Variants in PCDHGB6 observed in about 807,000 individuals in gnomAD.
PCDHGB6 encodes the protein protocadherin gamma subfamily B, 6.
PCDHGB6 carries 51 observed loss-of-function variants against 59.1 expected under a neutral mutation model. The ratio of observed to expected loss-of-function variants is 0.86; its 90% CI spans 0.69 to 1.09. PCDHGB6 has a LOEUF of 1.09. PCDHGB6 is among the 50% of genes least tolerant of loss of function. The probability of loss-of-function intolerance (pLI) is 0.00; values close to 1 mark genes in which losing one functional copy is unlikely to be tolerated. For synonymous variants in PCDHGB6, 466 were observed against 495.1 expected, an observed-to-expected ratio of 0.94 and a Z score of 0.78; for missense variants, 1,148 against 1,205.1, an observed-to-expected ratio of 0.95 and a Z score of 0.70.
In PCDHGB6 at chr5:141,448,771, T is replaced by C. The variant is rs564309379; in HGVS notation, c.2418+38151T>C. Among the ~76,000 whole-genome samples the C allele has an allele frequency of 6.6e-4, 100 of 151,738 alleles. 1 individual carries two copies. The highest frequency in any genetic ancestry group is 6.8e-3 in the Middle Eastern group (2 of 294). On this transcript the variant is annotated intron_variant, in intron 1 of 3. Coordinates refer to ENST00000520790, the MANE Select transcript of PCDHGB6 (RefSeq NM_018926.3). ...CTGGCTAACACGGTGAAACCCCGTCTGTACTAAAAATACAAAAAAAAAAAT... is the reference window on the plus strand; with the variant it reads ...CTGGCTAACACGGTGAAACCCCGTCCGTACTAAAAATACAAAAAAAAAAAT...
chr5:141,497,689 A>G (rs951295378), intron 2 of PCDHGB6, among the ~76,000 whole-genome samples: 1 of 151,958 alleles, frequency 6.6e-6, no homozygotes, highest in African/African-American at 2.4e-5. Flanking sequence ...GCAGGTGTGC[A>G]CCACCACACC....
chr5:141,420,022 TA>T (rs2096459209), intron 1 of PCDHGB6: 1 of 1,613,986 alleles, frequency 6.2e-7, no homozygotes. Flanking sequence ...CTTTCAGCCC[TA>T]CTGCAGGAGA....
rs1437409726 is a variant in PCDHGB6, at chr5:141,471,036, C to T, written c.2419-23771C>T. Among the ~76,000 whole-genome samples the T allele has an allele frequency of 2.8e-5, 4 of 144,908 alleles. No homozygotes were observed. The South Asian group carries it at 6.5e-4, about 24-fold the overall frequency. ...CTGGTCAATCATTTTTATTAACAAG[C>T]CCAAGCCCTCTTTTTTTTTTTTTTT... On this transcript the variant is annotated intron_variant, in intron 1 of 3. Transcript: ENST00000520790.
At chr5:141,413,468 A>C in intron 1 of PCDHGB6, 1 of 1,614,072 alleles carries the variant, frequency 6.2e-7, no homozygotes, top group South Asian at 1.1e-5. Context: ...GACCGGGAGG[A>C]GCTCTGCGCT....
At chr5:141,415,198 G>T in intron 1 of PCDHGB6, 2 of 1,614,038 alleles carry the variant, frequency 1.2e-6, no homozygotes, top group Non-Finnish European at 1.7e-6. Context: ...CATCCCCCAA[G>T]TCCTGGCGGA....
chr5:141,502,535 G>A (rs910160644), intron 2 of PCDHGB6, among the ~76,000 whole-genome samples: 14 of 152,172 alleles, frequency 9.2e-5, no homozygotes, highest in South Asian at 2.1e-4. Flanking sequence ...GAGTTTGTTC[G>A]TGTGGTAAAA....
At chr5:141,481,656 A>G (rs1425280340) in intron 1 of PCDHGB6, among the ~76,000 whole-genome samples, 1 of 152,084 alleles carries the variant, frequency 6.6e-6, no homozygotes, top group Non-Finnish European at 1.5e-5. Context: ...CATCTCTACT[A>G]ATAATACAAA....
Position 141,490,526 on chromosome 5 carries a change from C to T in PCDHGB6, c.2419-4281C>T, listed in dbSNP as rs1270447529. 6.2e-7 allele frequency: 1 copy of T among 1,614,116 alleles called. No homozygotes were observed. Among genetic ancestry groups the T allele is most frequent in the Non-Finnish European group, 8.5e-7 (1 of 1,180,008 alleles). ...ATCATCGAGCTGCTGGCCAGCGATGCTGGTTCACCTTCCCTACACAAACAT... is the reference window on the plus strand; with the variant it reads ...ATCATCGAGCTGCTGGCCAGCGATGTTGGTTCACCTTCCCTACACAAACAT... On this transcript the variant is annotated intron_variant, in intron 1 of 3. Coordinates refer to ENST00000520790, the MANE Select transcript of PCDHGB6 (RefSeq NM_018926.3). The surrounding 1 kb of genome is among the most constrained non-coding windows in gnomAD (Gnocchi z 5.4).
chr5:141,485,192 A>T lies in PCDHGB6; in HGVS notation c.2419-9615A>T. 1.2e-6 allele frequency: 2 copies of T among 1,613,942 alleles called. No individual in the cohort carries two copies. Among genetic ancestry groups the T allele is most frequent in the African/African-American group, 2.7e-5 (2 of 75,048 alleles). On this transcript the variant is annotated intron_variant, in intron 1 of 3. Transcript: ENST00000520790. The surrounding 1 kb of genome is among the most constrained non-coding windows in gnomAD (Gnocchi z 5.7). ...GGCAGCAATGCTCCGCAAGGTGAGA[A>T]GCTGGACAGAAATCTGGCGGTGGGC... is the stretch of plus-strand genomic sequence containing the variant.
chr5:141,500,104 T>G (rs917633032), intron 2 of PCDHGB6, among the ~76,000 whole-genome samples: 4 of 152,124 alleles, frequency 2.6e-5, no homozygotes, highest in Non-Finnish European at 4.4e-5. Flanking sequence ...AATTTATTTG[T>G]TGAATCCCTG....
At chr5:141,473,228 A>T (rs549587219) in intron 1 of PCDHGB6, among the ~76,000 whole-genome samples, 1 of 152,296 alleles carries the variant, frequency 6.6e-6, no homozygotes, top group African/African-American at 2.4e-5. Context: ...GGGAGATTGG[A>T]TCCACACAAG....
rs753538822 is a variant in PCDHGB6, at chr5:141,476,676, G to C, written c.2419-18131G>C. 6 of 1,614,222 alleles carry C rather than the reference G, an allele frequency of 3.7e-6. No individual in the cohort carries two copies. Among genetic ancestry groups the C allele is most frequent in the Non-Finnish European group, 4.2e-6 (5 of 1,180,054 alleles). ...TACTTTGCGCTTCGCGTGCAGACGCGGGAGGACAGCACCAAGTACGCGGAG... is the reference window on the plus strand; with the variant it reads ...TACTTTGCGCTTCGCGTGCAGACGCCGGAGGACAGCACCAAGTACGCGGAG... On this transcript the variant is annotated intron_variant, in intron 1 of 3. Transcript: ENST00000520790. The surrounding 1 kb of genome is among the most constrained non-coding windows in gnomAD (Gnocchi z 7.6).
chr5:141,418,985 T>C, intron 1 of PCDHGB6: 1 of 1,613,882 alleles, frequency 6.2e-7, no homozygotes, highest in Non-Finnish European at 8.5e-7. Context: ...GGACCAAGAC[T>C]CAGGGGAAAA....
At chr5:141,426,492 T>A (rs1439487321) in intron 1 of PCDHGB6, 11 of 336,712 alleles carry the variant, frequency 3.3e-5, no homozygotes, top group South Asian at 2.6e-4. Flanking sequence ...TTAGAGTTAG[T>A]GCAGAGAAAC....
intron 1 of PCDHGB6, chr5:141,418,959 C>A: frequency 6.2e-7 from 1 of 1,613,976 alleles, no homozygotes; most frequent in East Asian, 2.2e-5. Flanking sequence ...GTGGTTGTTG[C>A]CCTCTTCAAA....
At position 141,491,597 on chromosome 5, in the gene PCDHGB6, A is replaced by T. The variant is rs1389838814; in HGVS notation, c.2419-3210A>T. Reference sequence around the variant, plus strand: ...TTTTCACCGGCCTCGGACGGCAGTGACTTCACTTTTCTAAGACCCCTCAGC... The same window carrying T: ...TTTTCACCGGCCTCGGACGGCAGTGTCTTCACTTTTCTAAGACCCCTCAGC... On this transcript the variant is annotated intron_variant, in intron 1 of 3. Coordinates refer to ENST00000520790, the MANE Select transcript of PCDHGB6 (RefSeq NM_018926.3). This position sits in a 1 kb window ranked among gnomAD's most constrained non-coding sequence, Gnocchi z 6.9. 1.2e-6 allele frequency: 2 copies of T among 1,613,788 alleles called. No individual in the cohort carries two copies. The highest frequency in any genetic ancestry group is 1.7e-6 in the Non-Finnish European group (2 of 1,180,012).
At chr5:141,414,221 C>A in intron 1 of PCDHGB6, 1 of 1,613,126 alleles carries the variant, frequency 6.2e-7, no homozygotes, top group Non-Finnish European at 8.5e-7. Flanking sequence ...GACAACAGTC[C>A]AGAGCTGACC....
chr5:141,450,916 C>T (rs1168320527), intron 1 of PCDHGB6, among the ~76,000 whole-genome samples: 1 of 151,580 alleles, frequency 6.6e-6, no homozygotes, highest in Admixed American at 6.6e-5. Flanking sequence ...CCGCTGCCTC[C>T]CAGATTCAAG....
At chr5:141,416,674 G>A (rs547618174) in intron 1 of PCDHGB6, 1 of 152,250 alleles carries the variant, frequency 6.6e-6, no homozygotes, top group South Asian at 2.1e-4. Flanking sequence ...TATATGCAAC[G>A]AAGGGAAATT....
Sources: allele counts gnomAD v4.1 joint callset (sites outside exome capture counted in the v4.1 genomes callset), GRCh38; gene constraint gnomAD v4.1.1; non-coding constraint Gnocchi (gnomAD v3.1); transcripts MANE v1.5; gene names NCBI Gene and HGNC (gene_info 2026-07-23, HGNC 2026-07-21).